MED12L: variants seen among roughly 807,000 people sequenced by gnomAD.
MED12L encodes the protein mediator complex subunit 12L.
MED12L carries 60 observed loss-of-function variants against 281.3 expected under a neutral mutation model. That is an observed-to-expected ratio of 0.21 (90% CI 0.17 to 0.26). MED12L has a LOEUF of 0.26. Ranked by LOEUF, MED12L falls within the 10% of genes least tolerant of loss-of-function variation. MED12L has a pLI of 1.00. For synonymous variants in MED12L, 974 were observed against 987.2 expected, an observed-to-expected ratio of 0.99 and a Z score of 0.25; for missense variants, 2,146 against 2,680.9, an observed-to-expected ratio of 0.80 and a Z score of 4.41.
At position 151,156,285 on chromosome 3, in the gene MED12L, G is replaced by A. The variant is rs1719268267; in HGVS notation, c.681G>A (p.Met227Ile). Residue 227 changes from methionine to isoleucine, a missense_variant, in exon 6 of 45, where the codon ATG (methionine) becomes ATA (isoleucine). By Grantham distance (10) the Met-to-Ile change is conservative. Coordinates refer to ENST00000687756, the MANE Select transcript of MED12L (RefSeq NM_001393769.1). ...TGCCACCAGAGGTGGAGCAAGCCAT[G>A]AAGCAATGGGAATACAACGAAAAGC... ...VPVPPEVEQA[M>I]KQWEYNEKLA... 1.2e-6 allele frequency: 2 copies of A among 1,612,702 alleles called. No individual in the cohort carries two copies. Among genetic ancestry groups the A allele is most frequent in the Non-Finnish European group, 1.7e-6 (2 of 1,179,512 alleles).
At chr3:151,176,255 A>G (rs1342989347) in intron 11 of MED12L, among the ~76,000 whole-genome samples, 1 of 152,168 alleles carries the variant, frequency 6.6e-6, no homozygotes, top group Non-Finnish European at 1.5e-5. Flanking sequence ...TAGGATTGTC[A>G]TTAAAACATG....
At chr3:151,326,569 A>G (rs1043515254) in intron 16 of MED12L, 7 of 152,248 alleles carry the variant, frequency 4.6e-5, no homozygotes, top group African/African-American at 1.7e-4. Flanking sequence ...GAGTCTTCCA[A>G]GTGTACCAGG....
Position 151,394,755 on chromosome 3 carries a change from C to T in MED12L, c.5708C>T (p.Pro1903Leu), listed in dbSNP as rs775879977. Reference protein sequence around the residue: ...LQRRSGAMMQPPSLHAITSQQ... With the variant: ...LQRRSGAMMQLPSLHAITSQQ... Reference sequence around the variant, plus strand: ...CGGCGCTCAGGCGCCATGATGCAGCCGCCTTCTCTTCATGCAATCACATCG... The same window carrying T: ...CGGCGCTCAGGCGCCATGATGCAGCTGCCTTCTCTTCATGCAATCACATCG... Residue 1903 changes from proline (P) to leucine (L), a missense_variant, in exon 39 of 45, where the codon CCG becomes CTG. Transcript: ENST00000687756. 3.7e-6 allele frequency: 6 copies of T among 1,614,102 alleles called. No homozygotes were observed. Among genetic ancestry groups the T allele is most frequent in the East Asian group, 2.2e-5 (1 of 44,904 alleles).
intron 39 of MED12L, among the ~76,000 whole-genome samples, chr3:151,400,541 C>T (rs1345214791): frequency 6.6e-6 from 1 of 152,112 alleles, no homozygotes. Flanking sequence ...GTTAGGTTAT[C>T]CACCGTGGAG....
chr3:151,374,272 G>T (rs1040685668), intron 27 of MED12L, among the ~76,000 whole-genome samples: 2 of 152,236 alleles, frequency 1.3e-5, no homozygotes, highest in Non-Finnish European at 2.9e-5. Flanking sequence ...CTAGGCTAGG[G>T]CGCAGCGGCT....
In MED12L at chr3:151,435,062, C is replaced by CTTTTTTTTTTTTTTTTTTTTTTTTT. The variant is rs66791814; in HGVS notation, c.*2278_*2279insTTTTTTTTTTTTTTTTTTTTTTTTT. On this transcript the variant is annotated 3_prime_UTR_variant, in exon 45 of 45. Transcript: ENST00000687756. ...GTTAATTCTGTATCTTGAGAGGTTTCTTTTTTTTTTTTTTTTTTTTCTTTT... is the reference window on the plus strand; with the variant it reads ...GTTAATTCTGTATCTTGAGAGGTTTCTTTTTTTTTTTTTTTTTTTTTTTTTTTTTTTTTTTTTTTTTTTTTCTTTT... The CTTTTTTTTTTTTTTTTTTTTTTTTT allele has an allele frequency of 2.5e-5, 3 of 119,082 alleles. No individual in the cohort carries two copies. Among genetic ancestry groups the CTTTTTTTTTTTTTTTTTTTTTTTTT allele is most frequent in the Non-Finnish European group, 3.5e-5 (2 of 57,276 alleles). 7.4% of individuals were successfully genotyped at this position (119,082 alleles called of 1,614,324 possible). A position where few individuals can be genotyped will look rare whatever the true frequency, so the allele number is the denominator to read the frequency against.
At chr3:151,120,821 A>G (rs1249310014) in intron 3 of MED12L, among the ~76,000 whole-genome samples, 1 of 152,176 alleles carries the variant, frequency 6.6e-6, no homozygotes, top group Non-Finnish European at 1.5e-5. Flanking sequence ...TGTTATAATC[A>G]TGTTTTGACC....
Position 151,436,518 on chromosome 3 carries a change from TATC to T in MED12L, c.*3719_*3721del, listed in dbSNP as rs1396108934. 1.9e-6 allele frequency: 1 copy of T among 522,540 alleles called. No individual in the cohort carries two copies. Among genetic ancestry groups the T allele is most frequent in the Admixed American group, 3.7e-5 (1 of 26,936 alleles). The allele number at this position is 522,540 out of a possible 1,614,324, so 32.4% of individuals were successfully genotyped here. The stretch of plus-strand genomic sequence containing the variant: ...TTTTGAGATCCATTAAATAAATCAG[TATC>T]ATCAGTTCATAATGCATTTATTTAC... On this transcript the variant is annotated 3_prime_UTR_variant, in exon 45 of 45. Transcript: ENST00000687756.
At chr3:151,353,478 A>G (rs16863334) in intron 17 of MED12L, among the ~76,000 whole-genome samples, 47,872 of 152,088 alleles carry the variant, frequency 0.31, 7,809 homozygotes, top group East Asian at 0.5. Flanking sequence ...ACTGGCCAAA[A>G]GTGGCACAAG....
In MED12L at chr3:151,365,312, C is replaced by A. The variant is rs1755144966; in HGVS notation, c.3185+106C>A. ...AGTGTCTGGACTCACATTTGGCTAT[C>A]ATTTGCTTTTTCTAAATCTTCTTTT... On this transcript the variant is annotated intron_variant, in intron 22 of 44. Transcript: ENST00000687756. 4.2e-5 allele frequency: 38 copies of A among 908,482 alleles called. No homozygotes were observed. In the South Asian group the frequency reaches 5.6e-4, roughly 13 times the overall value. 56.3% of individuals were successfully genotyped at this position (908,482 alleles called of 1,614,324 possible).
intron 39 of MED12L, among the ~76,000 whole-genome samples, chr3:151,406,808 T>C (rs1209553392): frequency 1.3e-5 from 2 of 150,824 alleles, no homozygotes; most frequent in Admixed American, 1.3e-4. Context: ...TCTTCTTTTT[T>C]TTTTTTTTTT....
rs763005250 is a variant in MED12L, at chr3:151,364,985, C to G, written c.2964C>G (p.Ala988=). ...RSKFGDLFSS[A]CSKVKQTIYN... ...TTTTTTCTTATAACCTCAGTAGTGCCTGTTCAAAAGTAAAGCAAACCATAT... is the reference window on the plus strand; with the variant it reads ...TTTTTTCTTATAACCTCAGTAGTGCGTGTTCAAAAGTAAAGCAAACCATAT... The change falls in exon 22 of 45, where the codon GCC becomes GCG. Residue 988 remains alanine (A), a synonymous_variant. Transcript: ENST00000687756. 3.1e-6 allele frequency: 5 copies of G among 1,612,696 alleles called. No individual in the cohort carries two copies. Among genetic ancestry groups the G allele is most frequent in the Middle Eastern group, 1.6e-4 (1 of 6,062 alleles).
At chr3:151,185,494 C>T (rs1723147766) in intron 12 of MED12L, 33 bp downstream of exon 12, 1 of 1,610,244 alleles carries the variant, frequency 6.2e-7, no homozygotes, top group Non-Finnish European at 8.5e-7. Context: ...TTGTTGAATG[C>T]CGTAATGTAA....
chr3:151,286,168 TG>T (rs1359771765), intron 16 of MED12L, among the ~76,000 whole-genome samples: 1 of 152,182 alleles, frequency 6.6e-6, no homozygotes, highest in Non-Finnish European at 1.5e-5. Flanking sequence ...TGCCCTCACA[TG>T]GCTCTACCTC....
intron 16 of MED12L, chr3:151,198,978 C>T (rs200562228): frequency 3.8e-5 from 62 of 1,613,926 alleles, no homozygotes; most frequent in Admixed American, 6.7e-5. Flanking sequence ...AGCCACACAA[C>T]GGTTGATATC....
chr3:151,116,219 C>T, intron 2 of MED12L, 119 bp from the exon 3 acceptor site: 8 of 626,072 alleles, frequency 1.3e-5, no homozygotes, highest in South Asian at 4.4e-5. Context: ...GATTGTTGTC[C>T]TTTCAAGAGT....
chr3:151,172,063 T>C (rs1411434700), intron 11 of MED12L, among the ~76,000 whole-genome samples: 2 of 152,196 alleles, frequency 1.3e-5, no homozygotes, highest in East Asian at 3.8e-4. Context: ...ATGAATACAG[T>C]CATGGAATCT....
chr3:151,339,265 C>T (rs942714972), intron 16 of MED12L, among the ~76,000 whole-genome samples: 2 of 152,062 alleles, frequency 1.3e-5, no homozygotes, highest in African/African-American at 4.8e-5. Flanking sequence ...AGTCACTTTT[C>T]CCCCCAACGT....
chr3:151,413,676 C>T (rs1577593649), intron 42 of MED12L, among the ~76,000 whole-genome samples: 1 of 152,290 alleles, frequency 6.6e-6, no homozygotes, highest in East Asian at 1.9e-4. Flanking sequence ...CCAGAGCTTT[C>T]ATCAGATTCC....
Sources: allele counts gnomAD v4.1 joint callset (sites outside exome capture counted in the v4.1 genomes callset), GRCh38; gene constraint gnomAD v4.1.1; transcripts MANE v1.5; gene names NCBI Gene and HGNC (gene_info 2026-07-23, HGNC 2026-07-21).